The following PRKAR2B variants were observed in gnomAD, a reference collection of about 807,000 sequenced individuals.
The protein encoded by PRKAR2B is cAMP-dependent protein kinase type II-beta regulatory subunit.
Under a neutral mutation model 49.9 loss-of-function variants are expected in PRKAR2B, and 14 were observed. The ratio of observed to expected loss-of-function variants is 0.28; its 90% CI spans 0.19 to 0.44. PRKAR2B has a LOEUF of 0.44. PRKAR2B is among the 20% of genes least tolerant of loss of function. The pLI, the probability that PRKAR2B is intolerant of heterozygous loss-of-function variation, is 1.00. For synonymous variants in PRKAR2B, 196 were observed against 197.7 expected, an observed-to-expected ratio of 0.99 and a Z score of 0.07; for missense variants, 393 against 537.9, an observed-to-expected ratio of 0.73 and a Z score of 2.67.
intron 2 of PRKAR2B, among the ~76,000 whole-genome samples, chr7:107,105,833 A>G (rs1795061176): frequency 6.6e-6 from 1 of 152,108 alleles, no homozygotes; most frequent in African/African-American, 2.4e-5. Context: ...CACTTCCTCG[A>G]GATGGATAAC....
intron 1 of PRKAR2B, among the ~76,000 whole-genome samples, chr7:107,056,335 G>T (rs1431051309): frequency 2.6e-5 from 4 of 152,078 alleles, no homozygotes; most frequent in Admixed American, 6.6e-5. Flanking sequence ...TAAAGTAGTT[G>T]TTTCGAATTC....
chr7:107,157,335 C>T lies in PRKAR2B; in HGVS notation c.1123+11C>T, dbSNP rs1212803746. The T allele has an allele frequency of 5.0e-6, 8 of 1,605,500 alleles. No individual in the cohort carries two copies. Among genetic ancestry groups the T allele is most frequent in the Middle Eastern group, 1.7e-4 (1 of 6,016 alleles). Reference sequence around the variant, plus strand: ...CTGTCAAATGTTTAGGTAGGGATTGCAACAGTGGGCGTGCTTCTGCTGGTT... The same window carrying T: ...CTGTCAAATGTTTAGGTAGGGATTGTAACAGTGGGCGTGCTTCTGCTGGTT... On this transcript the variant is annotated intron_variant, in intron 10 of 10. Coordinates refer to ENST00000265717, the MANE Select transcript of PRKAR2B (RefSeq NM_002736.3).
At chr7:107,137,247 A>G (rs1161310910) in intron 4 of PRKAR2B, among the ~76,000 whole-genome samples, 1 of 152,234 alleles carries the variant, frequency 6.6e-6, no homozygotes, top group Non-Finnish European at 1.5e-5. Context: ...TGAACAGAAG[A>G]TAACTGGTGT....
chr7:107,102,410 C>T (rs1259214275), intron 2 of PRKAR2B, among the ~76,000 whole-genome samples: 1 of 152,126 alleles, frequency 6.6e-6, no homozygotes, highest in Non-Finnish European at 1.5e-5. Context: ...ATACAGCTAT[C>T]CTTGCAGGTT....
At chr7:107,128,987 G>A (rs1339248218) in intron 4 of PRKAR2B, 2 of 151,978 alleles carry the variant, frequency 1.3e-5, no homozygotes, top group African/African-American at 4.8e-5. Context: ...GTGAACCTCT[G>A]CTGCCATATT....
intron 2 of PRKAR2B, among the ~76,000 whole-genome samples, chr7:107,108,780 T>G (rs1795121317): frequency 6.6e-6 from 1 of 152,228 alleles, no homozygotes; most frequent in African/African-American, 2.4e-5. Context: ...TGAGCCCCTT[T>G]GTCATGTTCA....
chr7:107,048,702 G>A (rs1014521847), intron 1 of PRKAR2B, among the ~76,000 whole-genome samples: 6 of 152,238 alleles, frequency 3.9e-5, no homozygotes, highest in African/African-American at 1.4e-4. Context: ...GGTGGCGCTA[G>A]AGCAAACAGT....
At chr7:107,087,056 A>G (rs538364099) in intron 2 of PRKAR2B, among the ~76,000 whole-genome samples, 1 of 152,194 alleles carries the variant, frequency 6.6e-6, no homozygotes, top group Non-Finnish European at 1.5e-5. Flanking sequence ...GGAAAATGTT[A>G]TATGTTCTAT....
At chr7:107,147,456 G>A (rs993600238) in intron 6 of PRKAR2B, among the ~76,000 whole-genome samples, 1 of 152,188 alleles carries the variant, frequency 6.6e-6, no homozygotes, top group Non-Finnish European at 1.5e-5. Context: ...ATACATTCGG[G>A]CAATATTTTC....
chr7:107,074,338 A>G (rs1231853607), intron 2 of PRKAR2B, among the ~76,000 whole-genome samples: 2 of 151,854 alleles, frequency 1.3e-5, no homozygotes, highest in Non-Finnish European at 2.9e-5. Flanking sequence ...TCCTGACCTC[A>G]GGTGATCTGC....
chr7:107,098,164 G>C (rs1033332091), intron 2 of PRKAR2B, among the ~76,000 whole-genome samples: 1 of 152,060 alleles, frequency 6.6e-6, no homozygotes, highest in African/African-American at 2.4e-5. Context: ...ACGCAGATTT[G>C]GTCTTTCACA....
At chr7:107,139,400 T>C (rs1326536315) in intron 4 of PRKAR2B, among the ~76,000 whole-genome samples, 1 of 152,188 alleles carries the variant, frequency 6.6e-6, no homozygotes, top group Non-Finnish European at 1.5e-5. Context: ...CTCTCGAATC[T>C]TTTGTCTGGG....
chr7:107,122,449 C>T (rs1203543629), intron 3 of PRKAR2B, among the ~76,000 whole-genome samples: 2 of 152,154 alleles, frequency 1.3e-5, no homozygotes, highest in Non-Finnish European at 2.9e-5. Flanking sequence ...TCATAGTTTG[C>T]TCAGCAGCTG....
intron 1 of PRKAR2B, among the ~76,000 whole-genome samples, chr7:107,055,661 G>T (rs1793898224): frequency 1.3e-5 from 2 of 152,116 alleles, no homozygotes; most frequent in African/African-American, 2.4e-5. Context: ...GATGGGGTTG[G>T]TTGATTTTTT....
At chr7:107,125,457 C>G (rs1197670342) in intron 3 of PRKAR2B, among the ~76,000 whole-genome samples, 3 of 152,212 alleles carry the variant, frequency 2.0e-5, no homozygotes, top group Non-Finnish European at 4.4e-5. Context: ...AAAGTGGCCT[C>G]TAGTACACTA....
chr7:107,072,779 A>G (rs1254179599), intron 2 of PRKAR2B, among the ~76,000 whole-genome samples: 1 of 151,888 alleles, frequency 6.6e-6, no homozygotes, highest in East Asian at 1.9e-4. Context: ...AGTCAATTGT[A>G]TTTGATAATT....
chr7:107,090,873 T>TAAA (rs1794721667), intron 2 of PRKAR2B, among the ~76,000 whole-genome samples: 1 of 152,236 alleles, frequency 6.6e-6, no homozygotes, highest in African/African-American at 2.4e-5. Context: ...TGTTTCTCTT[T>TAAA]AAAAGAATGG....
intron 2 of PRKAR2B, among the ~76,000 whole-genome samples, chr7:107,109,756 A>G (rs1299172997): frequency 6.6e-6 from 1 of 152,142 alleles, no homozygotes; most frequent in Non-Finnish European, 1.5e-5. Context: ...ATGCATCTAT[A>G]TTGAAACTCT....
At chr7:107,121,668 T>G (rs1237502481) in intron 2 of PRKAR2B, among the ~76,000 whole-genome samples, 1 of 152,128 alleles carries the variant, frequency 6.6e-6, no homozygotes, top group Non-Finnish European at 1.5e-5. Flanking sequence ...TGTTTAGATA[T>G]CATGCCTTGG....
Sources: gnomAD v4.1 joint callset for allele counts (sites outside exome capture counted in the v4.1 genomes callset) on GRCh38, gnomAD v4.1.1 for gene constraint, MANE v1.5 for transcripts, NCBI Gene and HGNC (gene_info 2026-07-23, HGNC 2026-07-21) for gene names.